Variants in OXGR1 observed in about 807,000 individuals in gnomAD.
OXGR1 encodes 2-oxoglutarate receptor 1.
OXGR1 carries 10 observed loss-of-function variants against 10.0 expected under a neutral mutation model. That is an observed-to-expected ratio of 1.00 (90% CI 0.62 to 1.70). The LOEUF (loss-of-function observed/expected upper bound fraction) is 1.70, where lower values mean the gene tolerates loss of function less well. Ranked by LOEUF, OXGR1 falls within the 40% of genes most tolerant of loss-of-function variation. The pLI is 0.00. For synonymous variants in OXGR1, 191 were observed against 155.9 expected (o/e 1.22, Z -1.68); for missense variants, 398 against 407.6 (o/e 0.98, Z 0.20).
In OXGR1 at chr13:96,986,717, T is replaced by C. The variant is rs748796798; in HGVS notation, c.*29A>G. 6.4e-7 allele frequency: 1 copy of C among 1,565,720 alleles called. No homozygotes were observed. Among genetic ancestry groups the C allele is most frequent in the South Asian group, 1.2e-5 (1 of 81,892 alleles). Reference sequence around the variant, plus strand: ...ATGCTAGGTAAAGTATCAGCAAGTATTTGTTTTTGGTTAAGTAAATGAAAT... The same window carrying C: ...ATGCTAGGTAAAGTATCAGCAAGTACTTGTTTTTGGTTAAGTAAATGAAAT... On this transcript the variant is annotated 3_prime_UTR_variant, in exon 4 of 4. Coordinates refer to ENST00000541038, the MANE Select transcript of OXGR1 (RefSeq NM_001346194.2).
intron 2 of OXGR1, among the ~76,000 whole-genome samples, chr13:96,990,779 A>G (rs564430624): frequency 6.6e-6 from 1 of 151,994 alleles, no homozygotes; most frequent in East Asian, 1.9e-4. Flanking sequence ...CTCCGTCTCT[A>G]TTAAAAATAC....
At chr13:96,989,103 C>T (rs1593974791) in intron 3 of OXGR1, among the ~76,000 whole-genome samples, 1 of 152,238 alleles carries the variant, frequency 6.6e-6, no homozygotes, top group East Asian at 1.9e-4. Flanking sequence ...CACTACTGGG[C>T]ACATAAGAAA....
chr13:96,987,824 C>A lies in OXGR1; in HGVS notation c.-65G>T. 2.0e-6 allele frequency: 3 copies of A among 1,501,682 alleles called. No homozygotes were observed. Among genetic ancestry groups the A allele is most frequent in the Non-Finnish European group, 2.7e-6 (3 of 1,126,078 alleles). 93.0% of individuals were successfully genotyped at this position (1,501,682 alleles called of 1,614,324 possible). On this transcript the variant is annotated 5_prime_UTR_variant, in exon 4 of 4. Coordinates refer to ENST00000541038, the MANE Select transcript of OXGR1 (RefSeq NM_001346194.2). The stretch of plus-strand genomic sequence containing the variant: ...AGTTTGGCAATATGAATCAAATGAG[C>A]AGTAACTCGCTGATAAAGGAAAACA...
At chr13:96,989,038 C>A (rs1881923761) in intron 3 of OXGR1, among the ~76,000 whole-genome samples, 1 of 152,030 alleles carries the variant, frequency 6.6e-6, no homozygotes, top group Admixed American at 6.6e-5. Flanking sequence ...AAATATAAAC[C>A]CACCTCATGG....
At position 96,987,304 on chromosome 13, in the gene OXGR1, T is replaced by C; in HGVS notation, c.456A>G (p.Val152=). The change falls in exon 4 of 4, where the codon GTA becomes GTG. Residue 152 remains valine, a synonymous_variant. Coordinates refer to ENST00000541038, the MANE Select transcript of OXGR1 (RefSeq NM_001346194.2). The part of the protein sequence containing the change: ...FSIHKTRCAV[V]ACAVVWIISL... ...AAATGATCCACACCACAGCACAGGC[T>C]ACAACTGCACATCGAGTTTTGTGAA... The C allele has an allele frequency of 6.2e-7, 1 of 1,614,224 alleles. No homozygotes were observed. The highest frequency in any genetic ancestry group is 8.5e-7 in the Non-Finnish European group (1 of 1,180,038).
At chr13:96,992,126 C>CAA (rs113953067) in intron 2 of OXGR1, among the ~76,000 whole-genome samples, 54 of 126,198 alleles carry the variant, frequency 4.3e-4, no homozygotes, top group African/African-American at 1.3e-3. Context: ...CTAATGTGTA[C>CAA]AAAAAAAAAA....
At chr13:96,988,812 A>C (rs1196554935) in intron 3 of OXGR1, among the ~76,000 whole-genome samples, 1 of 152,160 alleles carries the variant, frequency 6.6e-6, no homozygotes. Flanking sequence ...AATTTTTGCA[A>C]TGAGAAAAGT....
rs1053844698 is a variant in OXGR1 at position 96,986,628 on chromosome 13, G to C, written c.*118C>G. 7.2e-6 allele frequency: 8 copies of C among 1,107,282 alleles called. No individual in the cohort carries two copies. The highest frequency in any genetic ancestry group is 1.3e-6 in the Non-Finnish European group (1 of 783,940). 68.6% of individuals were successfully genotyped at this position (1,107,282 alleles called of 1,614,324 possible). On this transcript the variant is annotated 3_prime_UTR_variant, in exon 4 of 4. Coordinates refer to ENST00000541038, the MANE Select transcript of OXGR1 (RefSeq NM_001346194.2). The stretch of plus-strand genomic sequence containing the variant: ...AAGCTCTGCCCTGGCTTTGGCACAT[G>C]ATTACTTGAATACACAGTATTTACC...
chr13:96,993,937 C>T (rs1882187411), intron 1 of OXGR1, among the ~76,000 whole-genome samples: 1 of 152,100 alleles, frequency 6.6e-6, no homozygotes, highest in Non-Finnish European at 1.5e-5. Context: ...CTCTGTTTGT[C>T]TCCTAAGCAC....
chr13:96,992,904 A>T (rs1228501650), intron 1 of OXGR1, among the ~76,000 whole-genome samples: 2 of 152,136 alleles, frequency 1.3e-5, no homozygotes, highest in Non-Finnish European at 2.9e-5. Context: ...GCACAGTTGG[A>T]ACACTTAATC....
chr13:96,991,266 A>G (rs1882043707), intron 2 of OXGR1, among the ~76,000 whole-genome samples: 1 of 152,200 alleles, frequency 6.6e-6, no homozygotes. Context: ...ACAACAGCAC[A>G]CAAAAAACCG....
intron 3 of OXGR1, among the ~76,000 whole-genome samples, chr13:96,989,120 A>T (rs902619395): frequency 6.6e-6 from 1 of 152,248 alleles, no homozygotes; most frequent in African/African-American, 2.4e-5. Flanking sequence ...GAAAAGCTTA[A>T]AAAATATTAC....
rs773830133 is a variant in OXGR1, at chr13:96,987,744, C to T, written c.16G>A (p.Asp6Asn). ...AAATCAGAAGCATTTGCTAAATAGTCTAGTGGCTCATTCATGGTTGTCTCC... is the reference window on the plus strand; with the variant it reads ...AAATCAGAAGCATTTGCTAAATAGTTTAGTGGCTCATTCATGGTTGTCTCC... MNEPL[D>N]YLANASDFPD... Residue 6 changes from aspartate to asparagine, a missense_variant, in exon 4 of 4, where the codon GAC becomes AAC. Coordinates refer to ENST00000541038, the MANE Select transcript of OXGR1 (RefSeq NM_001346194.2). 3 of 1,587,062 alleles carry T rather than the reference C, an allele frequency of 1.9e-6. No homozygotes were observed. Among genetic ancestry groups the T allele is most frequent in the Non-Finnish European group, 1.7e-6 (2 of 1,166,074 alleles).
At chr13:96,994,693 C>CTT (rs750331332), upstream of OXGR1, 12 of 145,772 alleles carry the variant, frequency 8.2e-5, no homozygotes, top group Non-Finnish European at 1.2e-4. Context: ...CCCAGTGCCT[C>CTT]TTTTTTTTTT....
In OXGR1 at chr13:96,986,861, A is replaced by G. The variant is rs771279691; in HGVS notation, c.899T>C (p.Leu300Ser). The change falls in exon 4 of 4, where the codon TTA (leucine) becomes TCA (serine). Residue 300 changes from leucine (L) to serine (S), a missense_variant. Transcript: ENST00000541038. The part of the protein sequence containing the change: ...LAALNTFGNL[L>S]LYVVVSDNFQ... ...GTTGTCGCTGACCACCACATATAGT[A>G]ACAGGTTACCAAAGGTGTTCAGAGC... The G allele has an allele frequency of 1.9e-5, 31 of 1,614,226 alleles. No individual in the cohort carries two copies. The highest frequency in any genetic ancestry group is 2.6e-5 in the Non-Finnish European group (31 of 1,180,024).
At position 96,987,061 on chromosome 13, in the gene OXGR1, G is replaced by A. The variant is rs772205947; in HGVS notation, c.699C>T (p.Ser233=). ...HTLTHGLQTD[S]CLKQKARRLT... ...GCCTTCGTGCTTTCTGCTTAAGGCA[G>A]CTGTCAGTTTGCAGTCCATGGGTCA... The change falls in exon 4 of 4, where the codon AGC becomes AGT. Residue 233 remains serine, a synonymous_variant. Transcript: ENST00000541038. The A allele has an allele frequency of 2.5e-6, 4 of 1,614,114 alleles. No homozygotes were observed. Among genetic ancestry groups the A allele is most frequent in the Admixed American group, 1.7e-5 (1 of 60,012 alleles).
Position 96,986,947 on chromosome 13 carries a change from T to G in OXGR1, c.813A>C (p.Ser271=). The G allele has an allele frequency of 6.2e-7, 1 of 1,614,172 alleles. No individual in the cohort carries two copies. ...TCTGATTCTCAATGGAACAACTGAT[T>G]GAAAGCAGGCGAGATTCGATCCGAA... ...RVIRIESRLL[S]ISCSIENQIH... Residue 271 remains serine (S), a synonymous_variant, in exon 4 of 4, where the codon TCA becomes TCC. Transcript: ENST00000541038.
intron 2 of OXGR1, among the ~76,000 whole-genome samples, chr13:96,991,670 G>A (rs1386825467): frequency 6.6e-6 from 1 of 152,194 alleles, no homozygotes; most frequent in African/African-American, 2.4e-5. Context: ...GAACAGTTTG[G>A]AGGTTCCTCA....
At chr13:96,993,376 G>A (rs980366168) in intron 1 of OXGR1, among the ~76,000 whole-genome samples, 11 of 151,898 alleles carry the variant, frequency 7.2e-5, no homozygotes, top group Non-Finnish European at 1.5e-4. Context: ...GTTCCACCAC[G>A]TCTGGCTAAT....
Sources: gnomAD v4.1 joint callset for allele counts (sites outside exome capture counted in the v4.1 genomes callset) on GRCh38, gnomAD v4.1.1 for gene constraint, MANE v1.5 for transcripts, NCBI Gene and HGNC (gene_info 2026-07-23, HGNC 2026-07-21) for gene names.